PVT1: variants seen among roughly 807,000 people sequenced by gnomAD.
The protein encoded by PVT1 is CXCR4/PVT1 fusion.
intron 2 of PVT1, among the ~76,000 whole-genome samples, chr8:127,860,764 C>CA (rs1224612475): frequency 0.16 from 9,824 of 63,012 alleles, 697 homozygotes; most frequent in African/African-American, 0.25. Context: ...GACCCAATCT[C>CA]AAAAAAAAAA....
intron 3 of PVT1, among the ~76,000 whole-genome samples, chr8:127,917,114 A>G (rs757771274): frequency 6.6e-6 from 1 of 152,198 alleles, no homozygotes; most frequent in Non-Finnish European, 1.5e-5. Context: ...TGACTGTGGC[A>G]GTCTAGAGTA....
chr8:127,833,955 A>G (rs1418238586), intron 2 of PVT1, among the ~76,000 whole-genome samples: 1 of 152,214 alleles, frequency 6.6e-6, no homozygotes, highest in Non-Finnish European at 1.5e-5. Flanking sequence ...AGGCCTGAGA[A>G]TTGGATCTAA....
chr8:128,047,200 T>C (rs995620573), intron 4 of PVT1, among the ~76,000 whole-genome samples: 1 of 152,230 alleles, frequency 6.6e-6, no homozygotes, highest in African/African-American at 2.4e-5. Context: ...AGTGGAGATT[T>C]GCTAGCCTTG....
chr8:127,871,863 C>A (rs1394687249), intron 2 of PVT1, among the ~76,000 whole-genome samples: 2 of 152,094 alleles, frequency 1.3e-5, no homozygotes, highest in East Asian at 3.9e-4. Flanking sequence ...CCAAGGCAGG[C>A]GGATCCCCTG....
At chr8:127,982,444 A>G (rs1223255188) in intron 3 of PVT1, among the ~76,000 whole-genome samples, 1 of 152,142 alleles carries the variant, frequency 6.6e-6, no homozygotes, top group Non-Finnish European at 1.5e-5. Flanking sequence ...GTAGCATGGG[A>G]TTACTCATGA....
intron 3 of PVT1, among the ~76,000 whole-genome samples, chr8:127,895,595 A>T (rs1815665121): frequency 6.6e-6 from 1 of 152,204 alleles, no homozygotes; most frequent in African/African-American, 2.4e-5. Context: ...GTACTCAGGG[A>T]ATACTAGTTT....
At chr8:127,967,205 C>T (rs1816712671) in intron 3 of PVT1, among the ~76,000 whole-genome samples, 1 of 152,066 alleles carries the variant, frequency 6.6e-6, no homozygotes, top group Non-Finnish European at 1.5e-5. Context: ...AGGGACAGGT[C>T]AGAAGGACAG....
chr8:127,893,996 G>A (rs1414227573), intron 3 of PVT1, among the ~76,000 whole-genome samples: 1 of 152,200 alleles, frequency 6.6e-6, no homozygotes, highest in Non-Finnish European at 1.5e-5. Context: ...TCTACTCGTG[G>A]TGCAGGAGCT....
intron 4 of PVT1, among the ~76,000 whole-genome samples, chr8:128,004,711 C>T (rs1586477262): frequency 2.6e-5 from 4 of 152,238 alleles, no homozygotes; most frequent in Admixed American, 2.6e-4. Context: ...AATTACCTGC[C>T]TCACTTTGCA....
At chr8:127,977,793 C>T (rs888535837) in intron 3 of PVT1, among the ~76,000 whole-genome samples, 5 of 152,302 alleles carry the variant, frequency 3.3e-5, no homozygotes, top group Middle Eastern at 3.4e-3. Flanking sequence ...CACCCAACAC[C>T]TTAGTTCCAT....
At chr8:128,094,272 TTAAATG>T (rs1263185605) in intron 5 of PVT1, among the ~76,000 whole-genome samples, 1 of 152,228 alleles carries the variant, frequency 6.6e-6, no homozygotes, top group Non-Finnish European at 1.5e-5. Flanking sequence ...TGTTACATTT[TTAAATG>T]TAAATGTAAA....
chr8:127,888,117 A>T (rs2129797915), intron 2 of PVT1, among the ~76,000 whole-genome samples: 1 of 147,096 alleles, frequency 6.8e-6, no homozygotes, highest in Non-Finnish European at 1.5e-5. Flanking sequence ...ATTTTTTGTA[A>T]TTTTAGTAGA....
chr8:128,043,328 A>G (rs1813568582), intron 4 of PVT1, among the ~76,000 whole-genome samples: 1 of 152,192 alleles, frequency 6.6e-6, no homozygotes, highest in Non-Finnish European at 1.5e-5. Flanking sequence ...GTTGCAACTC[A>G]GCATTCCTGA....
intron 3 of PVT1, among the ~76,000 whole-genome samples, chr8:127,923,005 G>A (rs1328904958): frequency 6.6e-6 from 1 of 152,216 alleles, no homozygotes; most frequent in Non-Finnish European, 1.5e-5. Context: ...CATATTTTGG[G>A]CAGTGCTCAC....
chr8:127,911,436 G>C (rs554271003), intron 3 of PVT1, among the ~76,000 whole-genome samples: 144 of 152,354 alleles, frequency 9.5e-4, no homozygotes, highest in Non-Finnish European at 1.7e-3. Flanking sequence ...TACCTGGCCG[G>C]CCTTGCAAAG....
intron 4 of PVT1, among the ~76,000 whole-genome samples, chr8:128,013,979 C>G (rs1284663162): frequency 6.6e-6 from 1 of 152,176 alleles, no homozygotes; most frequent in Non-Finnish European, 1.5e-5. Context: ...TTTCTGGGAA[C>G]TATAGACACG....
At chr8:127,927,939 T>C (rs1816151240) in intron 3 of PVT1, among the ~76,000 whole-genome samples, 1 of 152,200 alleles carries the variant, frequency 6.6e-6, no homozygotes, top group African/African-American at 2.4e-5. Context: ...TTACAAAAAT[T>C]CTCAGTGCGG....
chr8:128,090,653 G>A (rs73707404), intron 5 of PVT1, among the ~76,000 whole-genome samples: 3,645 of 152,146 alleles, frequency 0.024, 135 homozygotes, highest in African/African-American at 0.082. Flanking sequence ...GGTCCCATGA[G>A]ATCAGACACT....
intron 2 of PVT1, among the ~76,000 whole-genome samples, chr8:127,832,392 A>G (rs1814859717): frequency 1.3e-5 from 2 of 152,298 alleles, no homozygotes; most frequent in Middle Eastern, 3.4e-3. Flanking sequence ...AGCATTCCAG[A>G]TAGCCTGTCA....
Sources: allele counts gnomAD v4.1 joint callset (sites outside exome capture counted in the v4.1 genomes callset), GRCh38; gene constraint gnomAD v4.1.1; transcripts MANE v1.5; gene names NCBI Gene and HGNC (gene_info 2026-07-23, HGNC 2026-07-21).